Variants in SLC44A5 observed in about 807,000 individuals in gnomAD.
The protein encoded by SLC44A5 is solute carrier family 44 member 5, also known as choline transporter-like protein 5.
Under a neutral mutation model 101.8 loss-of-function variants are expected in SLC44A5, and 57 were observed. The observed-to-expected ratio is 0.56, with a 90% CI of 0.45 to 0.70. SLC44A5 has a LOEUF of 0.70. SLC44A5 is among the 30% of genes least tolerant of loss of function. The pLI is 0.00. For synonymous variants in SLC44A5, 281 were observed against 290.9 expected (o/e 0.97, Z 0.35); for missense variants, 737 against 853.1 (o/e 0.86, Z 1.70).
the SLC44A5 span, among the ~76,000 whole-genome samples, chr1:75,700,017 T>C: frequency 6.6e-6 from 1 of 151,906 alleles, no homozygotes; most frequent in Non-Finnish European, 1.5e-5. Flanking sequence ...AAGTCCTGAG[T>C]GACCTACAAA....
intron 8 of SLC44A5, 138 bp from the exon 9 acceptor site, chr1:75,242,199 T>C (rs547613019): frequency 1.7e-6 from 1 of 603,786 alleles, no homozygotes; most frequent in East Asian, 2.9e-5. Flanking sequence ...TAATATTAAT[T>C]GTAAGATTAT....
the SLC44A5 span, among the ~76,000 whole-genome samples, chr1:75,672,465 C>A: frequency 6.6e-6 from 1 of 152,064 alleles, no homozygotes; most frequent in Non-Finnish European, 1.5e-5. Context: ...TCCAGAGAGT[C>A]CCACCACCAT....
At chr1:75,445,534 G>GTATAAATTACA (rs1557791695) in intron 2 of SLC44A5, among the ~76,000 whole-genome samples, 6 of 146,020 alleles carry the variant, frequency 4.1e-5, no homozygotes, top group Admixed American at 6.9e-5. Flanking sequence ...TATATATTAC[G>GTATAAATTACA]TAATATATAC....
At chr1:75,656,542 T>C in the SLC44A5 span, among the ~76,000 whole-genome samples, 1 of 152,222 alleles carries the variant, frequency 6.6e-6, no homozygotes, top group Non-Finnish European at 1.5e-5. Flanking sequence ...CAGAGTGTTA[T>C]AATTTTTTCT....
intron 5 of SLC44A5, among the ~76,000 whole-genome samples, chr1:75,289,854 T>C (rs78509659): frequency 0.015 from 2,345 of 152,272 alleles, 63 homozygotes; most frequent in African/African-American, 0.054. Flanking sequence ...TTGGCTACAT[T>C]GTCATGGACT....
At chr1:75,687,460 C>T in the SLC44A5 span, among the ~76,000 whole-genome samples, 3 of 152,060 alleles carry the variant, frequency 2.0e-5, no homozygotes, top group African/African-American at 7.2e-5. Context: ...CCCACCAACA[C>T]GCCTGGCTAA....
chr1:75,396,068 G>C (rs538321551), intron 3 of SLC44A5, among the ~76,000 whole-genome samples: 1 of 152,244 alleles, frequency 6.6e-6, no homozygotes, highest in African/African-American at 2.4e-5. Context: ...GATGGGACTT[G>C]AGATGCTGAA....
chr1:75,375,927 G>T (rs377087868), intron 3 of SLC44A5, among the ~76,000 whole-genome samples: 2 of 152,194 alleles, frequency 1.3e-5, no homozygotes, highest in African/African-American at 2.4e-5. Context: ...CTGAGGTACC[G>T]GGTTCATCTC....
intron 4 of SLC44A5, among the ~76,000 whole-genome samples, chr1:75,314,702 ACT>A (rs1655558690): frequency 6.6e-6 from 1 of 152,108 alleles, no homozygotes; most frequent in South Asian, 2.1e-4. Context: ...GCATCAAATA[ACT>A]CTGAACCATC....
At chr1:75,288,263 G>A (rs767495477) in intron 5 of SLC44A5, among the ~76,000 whole-genome samples, 1 of 152,070 alleles carries the variant, frequency 6.6e-6, no homozygotes, top group African/African-American at 2.4e-5. Flanking sequence ...AGTCCTCACT[G>A]TATGATTTAA....
intron 9 of SLC44A5, among the ~76,000 whole-genome samples, chr1:75,239,772 A>G (rs77783260): frequency 6.6e-6 from 1 of 152,214 alleles, no homozygotes; most frequent in East Asian, 1.9e-4. Context: ...ACCTCCAGAT[A>G]TGTTTTAGTC....
At chr1:75,479,547 A>G (rs1158833803) in intron 2 of SLC44A5, among the ~76,000 whole-genome samples, 1 of 152,228 alleles carries the variant, frequency 6.6e-6, no homozygotes, top group Non-Finnish European at 1.5e-5. Context: ...AAATAGATGC[A>G]ATAAAAAATG....
intron 5 of SLC44A5, among the ~76,000 whole-genome samples, chr1:75,288,895 G>T (rs632017): frequency 0.7 from 106,692 of 152,090 alleles, 38,037 homozygotes; most frequent in East Asian, 0.96. Context: ...AGGCTACAGG[G>T]TTTTGATAAT....
chr1:75,669,768 A>G, the SLC44A5 span, among the ~76,000 whole-genome samples: 1 of 152,182 alleles, frequency 6.6e-6, no homozygotes, highest in Non-Finnish European at 1.5e-5. Flanking sequence ...TAAATAAAAT[A>G]CTTGAGCAAT....
intron 12 of SLC44A5, among the ~76,000 whole-genome samples, chr1:75,228,344 C>A (rs1352323313): frequency 6.6e-6 from 1 of 151,990 alleles, no homozygotes; most frequent in African/African-American, 2.4e-5. Context: ...ATTCTAAAAT[C>A]TGTTTTGTCT....
At chr1:75,287,954 C>T (rs1204913476) in intron 5 of SLC44A5, among the ~76,000 whole-genome samples, 4 of 152,070 alleles carry the variant, frequency 2.6e-5, no homozygotes, top group African/African-American at 4.8e-5. Context: ...TTCAAGACAG[C>T]ATGTATAGGA....
chr1:75,578,568 T>C (rs990226384), intron 1 of SLC44A5, among the ~76,000 whole-genome samples: 42 of 152,104 alleles, frequency 2.8e-4, no homozygotes, highest in Admixed American at 1.9e-3. Flanking sequence ...CATTTATATG[T>C]GGAATCTAAA....
chr1:75,388,134 C>T (rs2972009), intron 3 of SLC44A5, among the ~76,000 whole-genome samples: 61,354 of 129,032 alleles, frequency 0.48, 15,928 homozygotes, highest in East Asian at 0.93. Context: ...GTGGGTGCAG[C>T]GCACCAGCAT....
At chr1:75,620,799 T>C in the SLC44A5 span, among the ~76,000 whole-genome samples, 1 of 152,196 alleles carries the variant, frequency 6.6e-6, no homozygotes, top group African/African-American at 2.4e-5. Context: ...ACTCTGATGA[T>C]AGTTTCTTTT....
Sources: allele counts gnomAD v4.1 joint callset (sites outside exome capture counted in the v4.1 genomes callset), GRCh38; gene constraint gnomAD v4.1.1; transcripts MANE v1.5; gene names NCBI Gene and HGNC (gene_info 2026-07-23, HGNC 2026-07-21).